BRAF: variants seen among roughly 807,000 people sequenced by gnomAD.
The protein encoded by BRAF is serine/threonine-protein kinase B-raf.
In BRAF, 16 loss-of-function variants were observed where a neutral mutation model predicts 104.6. The ratio of observed to expected loss-of-function variants is 0.15; its 90% confidence interval spans 0.10 to 0.23. The LOEUF is 0.23. Among genes scored for constraint, BRAF ranks in the 10% least tolerant of loss-of-function variants. The pLI is 1.00. For synonymous variants in BRAF, 310 were observed against 341.6 expected (o/e 0.91, Z 1.02); for missense variants, 541 against 937.3 (o/e 0.58, Z 5.52).
chr7:140,858,815 ATAAG>A (rs750430054), intron 1 of BRAF, among the ~76,000 whole-genome samples: 7 of 151,966 alleles, frequency 4.6e-5, no homozygotes, highest in Non-Finnish European at 8.8e-5. Context: ...TAGTGTTTAT[ATAAG>A]TGTTTATATA....
At chr7:140,869,461 C>T (rs1262705193) in intron 1 of BRAF, among the ~76,000 whole-genome samples, 3 of 152,112 alleles carry the variant, frequency 2.0e-5, no homozygotes, top group African/African-American at 7.2e-5. Flanking sequence ...GGCGAAACCC[C>T]GTCTCTACTA....
intron 2 of BRAF, among the ~76,000 whole-genome samples, chr7:140,841,848 G>A (rs530503969): frequency 6.6e-5 from 10 of 152,058 alleles, no homozygotes; most frequent in Middle Eastern, 3.4e-3. Flanking sequence ...AAAGTTAATC[G>A]TATAGTATGT....
intron 2 of BRAF, among the ~76,000 whole-genome samples, chr7:140,845,945 C>T (rs905935060): frequency 1.3e-5 from 2 of 152,144 alleles, no homozygotes; most frequent in Admixed American, 1.3e-4. Context: ...TCCCAAAGTG[C>T]TGGCATTACA....
In BRAF at chr7:140,921,220, T is replaced by C. The variant is rs528501771; in HGVS notation, c.138+3346A>G. 8.5e-5 allele frequency among the ~76,000 whole-genome samples: 13 copies of C among 152,298 alleles called. No individual in the cohort carries two copies. In the South Asian group the frequency reaches 2.1e-3, roughly 24 times the overall value. ...AAAAAAATGTATTTATTATACCATA[T>C]GGTTAATTTATACCATACACTATTT... On this transcript the variant is annotated intron_variant, in intron 1 of 19. Transcript: ENST00000644969.
At chr7:140,759,016 A>G (rs990884388) in intron 14 of BRAF, among the ~76,000 whole-genome samples, 12 of 152,368 alleles carry the variant, frequency 7.9e-5, no homozygotes, top group African/African-American at 2.9e-4. Context: ...TCATATAAAC[A>G]GAATCACCTG....
intron 1 of BRAF, among the ~76,000 whole-genome samples, chr7:140,855,159 G>C (rs1474618344): frequency 6.6e-6 from 1 of 152,034 alleles, no homozygotes; most frequent in Non-Finnish European, 1.5e-5. Flanking sequence ...AAAGAACTTT[G>C]ATGACTCTTA....
At chr7:140,827,526 A>C (rs897617860) in intron 3 of BRAF, among the ~76,000 whole-genome samples, 1 of 152,194 alleles carries the variant, frequency 6.6e-6, no homozygotes, top group African/African-American at 2.4e-5. Flanking sequence ...AGTCAAGTTT[A>C]TTGTTATCTT....
At chr7:140,738,410 G>T (rs937150977) in intron 18 of BRAF, among the ~76,000 whole-genome samples, 4 of 152,102 alleles carry the variant, frequency 2.6e-5, no homozygotes, top group Admixed American at 6.5e-5. Flanking sequence ...GCATTCAAAG[G>T]CCTAAGAGTT....
chr7:140,901,610 C>T (rs1398820638), intron 1 of BRAF, among the ~76,000 whole-genome samples: 1 of 152,176 alleles, frequency 6.6e-6, no homozygotes, highest in African/African-American at 2.4e-5. Context: ...TTTTAACATA[C>T]TCAGTCTTCC....
downstream of BRAF, among the ~76,000 whole-genome samples, chr7:140,716,134 C>A (rs751979017): frequency 2.0e-5 from 3 of 152,168 alleles, no homozygotes; most frequent in Non-Finnish European, 2.9e-5. Context: ...ATTCTACATA[C>A]TAAAGAAGAA....
At chr7:140,767,408 A>G (rs1244267693) in intron 14 of BRAF, among the ~76,000 whole-genome samples, 1 of 152,312 alleles carries the variant, frequency 6.6e-6, no homozygotes, top group Middle Eastern at 3.4e-3. Flanking sequence ...GGGTAAGGGG[A>G]TGGAATCTAG....
intron 1 of BRAF, among the ~76,000 whole-genome samples, chr7:140,864,880 G>T (rs1231612993): frequency 6.6e-6 from 1 of 152,146 alleles, no homozygotes; most frequent in Non-Finnish European, 1.5e-5. Flanking sequence ...TGAGTCACAA[G>T]TAGAGAAATC....
chr7:140,827,054 T>C (rs1005959686), intron 3 of BRAF, among the ~76,000 whole-genome samples: 1 of 152,208 alleles, frequency 6.6e-6, no homozygotes, highest in Non-Finnish European at 1.5e-5. Flanking sequence ...AATTGTTTCC[T>C]CATGGTGCTT....
At chr7:140,735,704 G>A (rs1439459068) in intron 18 of BRAF, among the ~76,000 whole-genome samples, 4 of 151,584 alleles carry the variant, frequency 2.6e-5, no homozygotes, top group Admixed American at 1.3e-4. Context: ...TTACAGGAGC[G>A]CACCACCATG....
At chr7:140,841,246 T>G (rs1562989216) in intron 2 of BRAF, among the ~76,000 whole-genome samples, 1 of 152,158 alleles carries the variant, frequency 6.6e-6, no homozygotes, top group Non-Finnish European at 1.5e-5. Flanking sequence ...TAACAAGGGT[T>G]GATGAGGATG....
chr7:140,924,814 G>T lies in BRAF; in HGVS notation c.-111C>A. ...AGGCGGAGGCGGAGGAGCGGGGGGC[G>T]CGGGGGGCGCGGGGAGGAGCGGCCC... On this transcript the variant is annotated 5_prime_UTR_variant, in exon 1 of 20. Transcript: ENST00000644969. This position sits in a 1 kb window ranked among gnomAD's most constrained non-coding sequence, Gnocchi z 4.2. 3 of 399,560 alleles carry T rather than the reference G, an allele frequency of 7.5e-6. No individual in the cohort carries two copies. Among genetic ancestry groups the T allele is most frequent in the Non-Finnish European group, 8.8e-6 (2 of 227,834 alleles). 24.8% of individuals were successfully genotyped at this position (399,560 alleles called of 1,614,324 possible).
At chr7:140,906,123 TA>T (rs1185982662) in intron 1 of BRAF, among the ~76,000 whole-genome samples, 1 of 138,862 alleles carries the variant, frequency 7.2e-6, no homozygotes, top group Non-Finnish European at 1.5e-5. Flanking sequence ...TTAAAACATA[TA>T]ATTTATCAAG....
chr7:140,834,578 C>T (rs2129061909), intron 3 of BRAF, 31 bp downstream of exon 3: 1 of 1,612,784 alleles, frequency 6.2e-7, no homozygotes, highest in Non-Finnish European at 8.5e-7. Flanking sequence ...TACAAAGAAA[C>T]AGCAAAATGG....
chr7:140,859,439 T>A (rs950338806), intron 1 of BRAF, among the ~76,000 whole-genome samples: 1 of 152,156 alleles, frequency 6.6e-6, no homozygotes, highest in East Asian at 1.9e-4. Flanking sequence ...CCTTAGGGAA[T>A]TGTGTGTGCC....
Sources: gnomAD v4.1 joint callset for allele counts (sites outside exome capture counted in the v4.1 genomes callset) on GRCh38, gnomAD v4.1.1 for gene constraint, Gnocchi (gnomAD v3.1) non-coding constraint, MANE v1.5 for transcripts, NCBI Gene and HGNC (gene_info 2026-07-23, HGNC 2026-07-21) for gene names.